The following JDP2 variants were observed in gnomAD, a reference collection of about 807,000 sequenced individuals.
JDP2 encodes Jun dimerization protein 2.
In JDP2, 9 loss-of-function variants were observed where a neutral mutation model predicts 17.1. The observed-to-expected ratio is 0.53, with a 90% confidence interval of 0.32 to 0.92. JDP2 has a LOEUF of 0.92. Ranked by LOEUF, JDP2 falls within the 40% of genes least tolerant of loss-of-function variation. JDP2 has a pLI of 0.04. For missense variants in JDP2, 179 were observed against 220.0 expected, an observed-to-expected ratio of 0.81 and a Z score of 1.18; for synonymous variants, 107 against 95.6, an observed-to-expected ratio of 1.12 and a Z score of -0.69.
At chr14:75,445,127 G>A (rs913931360) in intron 2 of JDP2, 2 of 985,234 alleles carry the variant, frequency 2.0e-6, no homozygotes, top group Non-Finnish European at 1.2e-6. Context: ...GGGAAACTGA[G>A]TCCTCTCCTG....
chr14:75,433,781 G>C (rs1054895658), intron 1 of JDP2, among the ~76,000 whole-genome samples: 1 of 152,034 alleles, frequency 6.6e-6, no homozygotes, highest in Non-Finnish European at 1.5e-5. Flanking sequence ...TTCCTGGTCA[G>C]TGTCCCGCAT....
rs1016133057 is a variant in JDP2, at chr14:75,469,204, C to T, written c.307-86C>T. On this transcript the variant is annotated intron_variant, in intron 3 of 3. Coordinates refer to ENST00000651602, the MANE Select transcript of JDP2 (RefSeq NM_001135048.2). ...AGAAAACAGGCCAGTGCCAGCCCAG[C>T]GTGCCCTGTGCCTAACCACAGGCAG... 8 of 1,273,642 alleles carry T rather than the reference C, an allele frequency of 6.3e-6. No homozygotes were observed. In the East Asian group the frequency reaches 9.5e-5, roughly 15 times the overall value. The allele number at this position is 1,273,642 out of a possible 1,614,324, so 78.9% of individuals were successfully genotyped here. A position where few individuals can be genotyped will look rare whatever the true frequency, so the allele number is the denominator to read the frequency against.
intron 2 of JDP2, chr14:75,445,070 T>C (rs1885532916): frequency 9.1e-6 from 9 of 983,908 alleles, no homozygotes; most frequent in African/African-American, 1.7e-5. Context: ...AATCCTACCA[T>C]CTTACTTTGA....
intron 2 of JDP2, among the ~76,000 whole-genome samples, chr14:75,444,318 G>C (rs972651350): frequency 6.6e-6 from 1 of 152,046 alleles, no homozygotes; most frequent in Non-Finnish European, 1.5e-5. Flanking sequence ...TGTGTTGATC[G>C]TGCAAAGTAG....
intron 1 of JDP2, among the ~76,000 whole-genome samples, chr14:75,437,417 G>A (rs1292547564): frequency 1.3e-5 from 2 of 152,242 alleles, no homozygotes; most frequent in African/African-American, 4.8e-5. Flanking sequence ...TGAAACAGGT[G>A]TGAAGGTGCT....
chr14:75,442,642 A>G (rs1885408155), intron 2 of JDP2, among the ~76,000 whole-genome samples: 1 of 152,258 alleles, frequency 6.6e-6, no homozygotes, highest in African/African-American at 2.4e-5. Flanking sequence ...TCAGGCAGAA[A>G]AAAACAAAAT....
At chr14:75,469,085 C>T (rs906281497) in intron 3 of JDP2, among the ~76,000 whole-genome samples, 1 of 152,238 alleles carries the variant, frequency 6.6e-6, no homozygotes, top group Non-Finnish European at 1.5e-5. Flanking sequence ...ATAACCTGGA[C>T]ATGACACAGG....
At chr14:75,435,790 G>T (rs1053403029) in intron 1 of JDP2, among the ~76,000 whole-genome samples, 1 of 152,206 alleles carries the variant, frequency 6.6e-6, no homozygotes, top group Non-Finnish European at 1.5e-5. Flanking sequence ...GAAGGAAGGA[G>T]AGAAAGGATG....
chr14:75,445,063 C>G, intron 2 of JDP2: 1 of 982,754 alleles, frequency 1.0e-6, no homozygotes, highest in Non-Finnish European at 1.2e-6. Context: ...TTCTGTCAAT[C>G]CTACCATCTT....
chr14:75,464,264 A>C (rs965947112), intron 3 of JDP2, among the ~76,000 whole-genome samples: 4 of 152,212 alleles, frequency 2.6e-5, no homozygotes, highest in Non-Finnish European at 5.9e-5. Context: ...AGGCTCAGAG[A>C]TACATATGTT....
chr14:75,444,461 C>T (rs889011394), intron 2 of JDP2, among the ~76,000 whole-genome samples: 3 of 152,180 alleles, frequency 2.0e-5, no homozygotes, highest in African/African-American at 7.2e-5. Context: ...AGAGGGGCTA[C>T]TTCTGGGGCC....
Position 75,461,542 on chromosome 14 carries a change from G to C in JDP2, c.306+12G>C. 1 of 1,582,496 alleles carries C rather than the reference G, an allele frequency of 6.3e-7. No individual in the cohort carries two copies. Among genetic ancestry groups the C allele is most frequent in the South Asian group, 1.2e-5 (1 of 86,918 alleles). On this transcript the variant is annotated intron_variant, in intron 3 of 3. Coordinates refer to ENST00000651602, the MANE Select transcript of JDP2 (RefSeq NM_001135048.2). ...AGTTTCTGCAGCGGGTGAGCTGACC[G>C]GGTGGGTGGGGAGGCCTGCCATTCC...
chr14:75,433,007 G>T (rs1192346738), intron 1 of JDP2, among the ~76,000 whole-genome samples: 1 of 151,602 alleles, frequency 6.6e-6, no homozygotes, highest in East Asian at 2.0e-4. Context: ...TTCGAGACCA[G>T]CCTGACCAAC....
chr14:75,451,071 C>CGGA (rs1286670830), intron 2 of JDP2, among the ~76,000 whole-genome samples: 5 of 152,104 alleles, frequency 3.3e-5, no homozygotes, highest in Non-Finnish European at 7.4e-5. Flanking sequence ...GAGCATAGAG[C>CGGA]GGAACCCTGG....
Position 75,461,417 on chromosome 14 carries a change from C to T in JDP2, c.202-9C>T, listed in dbSNP as rs1886341135. The stretch of plus-strand genomic sequence containing the variant: ...TCAGTGTCTAATCAGTGGCTCTGTG[C>T]CCTCACAGCTAGATGAGGAAGAGGA... On this transcript the variant is annotated splice_polypyrimidine_tract_variant and intron_variant, in intron 2 of 3. Transcript: ENST00000651602. 5 of 1,587,924 alleles carry T rather than the reference C, an allele frequency of 3.1e-6. No individual in the cohort carries two copies. Among genetic ancestry groups the T allele is most frequent in the Non-Finnish European group, 3.4e-6 (4 of 1,164,106 alleles).
chr14:75,427,062 A>G (rs1884558735), upstream of JDP2: 1 of 152,282 alleles, frequency 6.6e-6, no homozygotes, highest in African/African-American at 2.4e-5. This position sits in a 1 kb window ranked among gnomAD's most constrained non-coding sequence, Gnocchi z 4.4. Context: ...CTGCCTTTGT[A>G]TACTGGAGGG....
At chr14:75,442,098 G>A (rs1885383744) in intron 2 of JDP2, among the ~76,000 whole-genome samples, 1 of 152,116 alleles carries the variant, frequency 6.6e-6, no homozygotes, top group Admixed American at 6.5e-5. Flanking sequence ...TGACCTTTCA[G>A]GAAAGAGGCT....
In JDP2 at chr14:75,467,443, A is replaced by G. The variant is rs555249112; in HGVS notation, c.307-1847A>G. Among the ~76,000 whole-genome samples, 4 of 152,330 alleles carry G rather than the reference A, an allele frequency of 2.6e-5. No individual in the cohort carries two copies. In the South Asian group the frequency reaches 8.3e-4, roughly 32 times the overall value. ...TTCCCCTTACAGTGGAAAGGCCACAAGAGCCAGTTGGGGGCTCATGGCTCT... is the reference window on the plus strand; with the variant it reads ...TTCCCCTTACAGTGGAAAGGCCACAGGAGCCAGTTGGGGGCTCATGGCTCT... On this transcript the variant is annotated intron_variant, in intron 3 of 3. Transcript: ENST00000651602.
chr14:75,467,863 A>AT (rs201787010), intron 3 of JDP2, among the ~76,000 whole-genome samples: 112 of 150,904 alleles, frequency 7.4e-4, no homozygotes, highest in African/African-American at 2.6e-3. Context: ...TTCCCCGAGC[A>AT]TTTTTTTTTC....
Sources: allele counts gnomAD v4.1 joint callset (sites outside exome capture counted in the v4.1 genomes callset), GRCh38; gene constraint gnomAD v4.1.1; non-coding constraint Gnocchi (gnomAD v3.1); transcripts MANE v1.5; gene names NCBI Gene and HGNC (gene_info 2026-07-23, HGNC 2026-07-21).